ITK: variants seen among roughly 807,000 people sequenced by gnomAD.
The protein encoded by ITK is tyrosine-protein kinase ITK/TSK.
A neutral mutation model predicts 87.6 loss-of-function variants in ITK; 45 were observed. That is an observed-to-expected ratio of 0.51 (90% CI 0.40 to 0.66). The LOEUF is 0.66. ITK is among the 30% of genes least tolerant of loss of function. ITK has a pLI of 0.00. For missense variants in ITK, 605 were observed against 766.3 expected (o/e 0.79, Z 2.48); for synonymous variants, 303 against 273.6 (o/e 1.11, Z -1.06).
intron 1 of ITK, among the ~76,000 whole-genome samples, chr5:157,189,023 G>A (rs542168894): frequency 1.9e-4 from 29 of 152,224 alleles, no homozygotes; most frequent in African/African-American, 7.0e-4. Flanking sequence ...ATGAATGAAG[G>A]TCACATAACT....
chr5:157,202,205 C>T (rs1279015523), intron 1 of ITK, among the ~76,000 whole-genome samples: 1 of 150,452 alleles, frequency 6.6e-6, no homozygotes, highest in African/African-American at 2.5e-5. Flanking sequence ...ATGTTTACCA[C>T]ATTTTCTTTT....
intron 13 of ITK, chr5:157,245,384 A>C (rs1337636460): frequency 4.7e-6 from 2 of 424,198 alleles, no homozygotes; most frequent in Non-Finnish European, 8.8e-6. Context: ...AATTTAGTCA[A>C]CTGGGAGATG....
chr5:157,219,007 G>A (rs1010917123), intron 5 of ITK, among the ~76,000 whole-genome samples: 63 of 150,608 alleles, frequency 4.2e-4, no homozygotes, highest in African/African-American at 1.3e-3. Flanking sequence ...AGCTTATTTT[G>A]TTAAGGAGAT....
At chr5:157,190,840 G>C (rs163311) in intron 1 of ITK, among the ~76,000 whole-genome samples, 26,781 of 152,212 alleles carry the variant, frequency 0.18, 2,946 homozygotes, top group African/African-American at 0.31. Flanking sequence ...GAGTTCAAGA[G>C]AGGGGCACAA....
intron 6 of ITK, among the ~76,000 whole-genome samples, chr5:157,225,861 C>T (rs932163506): frequency 6.6e-6 from 1 of 152,210 alleles, no homozygotes; most frequent in Non-Finnish European, 1.5e-5. Context: ...ACTGACTTTA[C>T]TTAGCACACC....
chr5:157,183,494 G>A (rs765532488), intron 1 of ITK, among the ~76,000 whole-genome samples: 1 of 152,136 alleles, frequency 6.6e-6, no homozygotes, highest in African/African-American at 2.4e-5. Flanking sequence ...AATATATTAG[G>A]TACTTAGCAT....
intron 6 of ITK, among the ~76,000 whole-genome samples, chr5:157,228,079 T>G (rs1754573646): frequency 6.6e-6 from 1 of 152,030 alleles, no homozygotes; most frequent in African/African-American, 2.4e-5. Context: ...GACCTCGTGA[T>G]CCACCTGCCT....
intron 1 of ITK, among the ~76,000 whole-genome samples, chr5:157,186,397 G>T (rs1240605068): frequency 1.3e-5 from 2 of 151,470 alleles, no homozygotes; most frequent in Non-Finnish European, 2.9e-5. Context: ...AGAGAGAGGC[G>T]GGCACGATGG....
At chr5:157,243,102 C>T (rs1186792359) in intron 11 of ITK, among the ~76,000 whole-genome samples, 6 of 152,122 alleles carry the variant, frequency 3.9e-5, no homozygotes, top group African/African-American at 1.4e-4. Flanking sequence ...GAAATTGAGC[C>T]TCGGAATCTC....
chr5:157,206,014 C>T (rs575583383), intron 1 of ITK, among the ~76,000 whole-genome samples: 1 of 130,322 alleles, frequency 7.7e-6, no homozygotes, highest in Admixed American at 8.9e-5. Context: ...ATTGCTCTGT[C>T]ACCTATGCTG....
chr5:157,203,098 T>G (rs1345860525), intron 1 of ITK, among the ~76,000 whole-genome samples: 1 of 152,216 alleles, frequency 6.6e-6, no homozygotes, highest in East Asian at 1.9e-4. Flanking sequence ...TTAGATGCCC[T>G]TTCTCTCTCC....
rs575660604 is a variant in ITK at position 157,187,458 on chromosome 5, C to T, written c.138+6343C>T. On this transcript the variant is annotated intron_variant, in intron 1 of 16. Transcript: ENST00000422843. Reference sequence around the variant, plus strand: ...CAGCTGGAGAGGTTAGAGACACAAACGAAGCTCAAATAGAGAAGGTTCAAT... The same window carrying T: ...CAGCTGGAGAGGTTAGAGACACAAATGAAGCTCAAATAGAGAAGGTTCAAT... 6.6e-5 allele frequency among the ~76,000 whole-genome samples: 10 copies of T among 152,242 alleles called. No homozygotes were observed. In the South Asian group the frequency reaches 8.3e-4, roughly 13 times the overall value.
At chr5:157,201,181 G>GA (rs967629407) in intron 1 of ITK, among the ~76,000 whole-genome samples, 1 of 150,008 alleles carries the variant, frequency 6.7e-6, no homozygotes, top group South Asian at 2.1e-4. Context: ...TACACTAATA[G>GA]AAAAAAAATT....
chr5:157,195,777 G>A (rs1753843098), intron 1 of ITK: 1 of 152,164 alleles, frequency 6.6e-6, no homozygotes, highest in Admixed American at 6.6e-5. Context: ...CCTGGAGATT[G>A]ATCCACACTG....
At chr5:157,212,857 AAAG>A (rs1306990229) in intron 3 of ITK, among the ~76,000 whole-genome samples, 1 of 151,534 alleles carries the variant, frequency 6.6e-6, no homozygotes, top group Non-Finnish European at 1.5e-5. Flanking sequence ...ACCAAAAAAA[AAAG>A]AAGAAAAAAA....
At chr5:157,193,350 G>A (rs1402865512) in intron 1 of ITK, among the ~76,000 whole-genome samples, 2 of 152,166 alleles carry the variant, frequency 1.3e-5, no homozygotes, top group Non-Finnish European at 2.9e-5. Context: ...ATAACTGTGT[G>A]GCTCATGAGA....
At chr5:157,195,838 T>C (rs1490601699) in intron 1 of ITK, 10 of 152,244 alleles carry the variant, frequency 6.6e-5, no homozygotes, top group Admixed American at 5.9e-4. Flanking sequence ...TACTTCATTG[T>C]ATGCATGAAA....
intron 1 of ITK, among the ~76,000 whole-genome samples, chr5:157,187,266 T>C (rs909471109): frequency 2.6e-5 from 4 of 152,200 alleles, no homozygotes; most frequent in African/African-American, 7.2e-5. Context: ...TCACCCTCCA[T>C]TGAACTATCA....
Position 157,252,704 on chromosome 5 carries a change from C to T in ITK, c.*26C>T, listed in dbSNP as rs1755167398. ...TAGAGACTGAGTACCAGGCCACGGG[C>T]TGCAGATCCTGAATGGAGGAAGGAT... On this transcript the variant is annotated 3_prime_UTR_variant, in exon 17 of 17. Coordinates refer to ENST00000422843, the MANE Select transcript of ITK (RefSeq NM_005546.4). 1.3e-6 allele frequency: 2 copies of T among 1,521,596 alleles called. No individual in the cohort carries two copies. Among genetic ancestry groups the T allele is most frequent in the Non-Finnish European group, 1.8e-6 (2 of 1,095,442 alleles). 94.3% of individuals were successfully genotyped at this position (1,521,596 alleles called of 1,614,324 possible). A position where few individuals can be genotyped will look rare whatever the true frequency, so the allele number is the denominator to read the frequency against.
Sources: allele counts gnomAD v4.1 joint callset (sites outside exome capture counted in the v4.1 genomes callset), GRCh38; gene constraint gnomAD v4.1.1; transcripts MANE v1.5; gene names NCBI Gene and HGNC (gene_info 2026-07-23, HGNC 2026-07-21).